TBX20: variants seen among roughly 807,000 people sequenced by gnomAD.
TBX20 encodes T-box transcription factor TBX20.
Under a neutral mutation model 42.9 loss-of-function variants are expected in TBX20, and 8 were observed. The observed-to-expected ratio is 0.19, with a 90% CI of 0.11 to 0.34. The LOEUF (loss-of-function observed/expected upper bound fraction) is 0.34, where lower values mean the gene tolerates loss of function less well. TBX20 is among the 10% of genes least tolerant of loss of function. The pLI, the probability that TBX20 is intolerant of heterozygous loss-of-function variation, is 1.00. For synonymous variants in TBX20, 198 were observed against 222.8 expected (o/e 0.89, Z 0.99); for missense variants, 411 against 566.0 (o/e 0.73, Z 2.78).
intron 6 of TBX20, among the ~76,000 whole-genome samples, chr7:35,219,658 C>A (rs1181778040): frequency 6.6e-6 from 1 of 152,258 alleles, no homozygotes; most frequent in African/African-American, 2.4e-5. Context: ...GAACCAAACA[C>A]CACTTTCTTT....
chr7:35,249,852 G>A lies in TBX20; in HGVS notation c.380+99C>T, dbSNP rs934963337. On this transcript the variant is annotated intron_variant, in intron 2 of 7. Transcript: ENST00000408931. This position sits in a 1 kb window ranked among gnomAD's most constrained non-coding sequence, Gnocchi z 4.3. ...GAGCCAAGCTGTCTCTCCGCTCCATGACCAGCCAGCTCTCATCTAGTTCCT... is the reference window on the plus strand; with the variant it reads ...GAGCCAAGCTGTCTCTCCGCTCCATAACCAGCCAGCTCTCATCTAGTTCCT... 6.5e-6 allele frequency: 9 copies of A among 1,381,678 alleles called. No individual in the cohort carries two copies. The African/African-American group carries it at 1.2e-4, about 18-fold the overall frequency. 85.6% of individuals were successfully genotyped at this position (1,381,678 alleles called of 1,614,324 possible). A position where few individuals can be genotyped will look rare whatever the true frequency, so the allele number is the denominator to read the frequency against.
intron 6 of TBX20, among the ~76,000 whole-genome samples, chr7:35,222,485 A>G (rs1184329928): frequency 6.6e-6 from 1 of 152,204 alleles, no homozygotes. Flanking sequence ...CTGTTGAAAA[A>G]TAAAGACCCT....
chr7:35,247,737 TTAAACAACAAAAATTAGTCATTAAACA>T (rs1198478475), intron 3 of TBX20, among the ~76,000 whole-genome samples: 7 of 152,270 alleles, frequency 4.6e-5, no homozygotes, highest in African/African-American at 1.4e-4. Flanking sequence ...AAATTAGTCA[TTAAACAACAAAAATTAGTCATTAAACA>T]TAAACAACAA....
chr7:35,204,447 C>G (rs763095913), intron 7 of TBX20, 23 bp downstream of exon 7: 1 of 1,557,916 alleles, frequency 6.4e-7, no homozygotes, highest in Non-Finnish European at 8.9e-7. Flanking sequence ...CCAGCAATTC[C>G]ATGGCCTTGG....
At chr7:35,235,757 T>G (rs185242696) in intron 5 of TBX20, among the ~76,000 whole-genome samples, 64 of 152,236 alleles carry the variant, frequency 4.2e-4, no homozygotes, top group African/African-American at 1.5e-3. Flanking sequence ...TTTAAGTAAA[T>G]GTGTGGAGAG....
rs569209190 is a variant in TBX20 at position 35,218,615 on chromosome 7, A to T, written c.890+12889T>A. 2.5e-4 allele frequency among the ~76,000 whole-genome samples: 38 copies of T among 152,354 alleles called. No individual in the cohort carries two copies. In the South Asian group the frequency reaches 7.9e-3, roughly 32 times the overall value. Reference sequence around the variant, plus strand: ...TAATATGTGAGAAAGAATAAAGCACATACTAATAATTAAAGTTATTTCCAT... The same window carrying T: ...TAATATGTGAGAAAGAATAAAGCACTTACTAATAATTAAAGTTATTTCCAT... On this transcript the variant is annotated intron_variant, in intron 6 of 7. Transcript: ENST00000408931.
chr7:35,223,161 T>TCATA (rs1789712059), intron 6 of TBX20, among the ~76,000 whole-genome samples: 3 of 152,128 alleles, frequency 2.0e-5, no homozygotes, highest in African/African-American at 7.2e-5. Context: ...GAGTCAAAGA[T>TCATA]GACTACAAGT....
At chr7:35,214,681 G>T (rs1378745112) in intron 6 of TBX20, among the ~76,000 whole-genome samples, 2 of 152,078 alleles carry the variant, frequency 1.3e-5, no homozygotes, top group African/African-American at 2.4e-5. Flanking sequence ...ATCTTTTGAG[G>T]TCATTAAGAA....
chr7:35,222,009 T>A (rs1307170057), intron 6 of TBX20, among the ~76,000 whole-genome samples: 1 of 152,154 alleles, frequency 6.6e-6, no homozygotes, highest in Admixed American at 6.5e-5. Flanking sequence ...ACTTTAATTC[T>A]TGGCAAAAAA....
intron 5 of TBX20, among the ~76,000 whole-genome samples, chr7:35,239,207 C>T (rs1374070931): frequency 6.6e-6 from 1 of 152,176 alleles, no homozygotes; most frequent in African/African-American, 2.4e-5. Flanking sequence ...GCTTCTACTA[C>T]CTCATTTGTG....
At chr7:35,221,082 A>T (rs1452955742) in intron 6 of TBX20, among the ~76,000 whole-genome samples, 1 of 152,106 alleles carries the variant, frequency 6.6e-6, no homozygotes, top group Non-Finnish European at 1.5e-5. Flanking sequence ...ATCTAAAGAG[A>T]GAAGATAAAT....
chr7:35,248,933 G>C, intron 2 of TBX20, 92 bp from the exon 3 acceptor site: 1 of 1,517,770 alleles, frequency 6.6e-7, no homozygotes, highest in Non-Finnish European at 9.1e-7. Flanking sequence ...GAGGGAAGGA[G>C]GGAAAGGGTC....
At chr7:35,204,741 G>A (rs1231238906) in intron 6 of TBX20, among the ~76,000 whole-genome samples, 159 bp from the exon 7 acceptor site, 1 of 152,168 alleles carries the variant, frequency 6.6e-6, no homozygotes, top group East Asian at 1.9e-4. Flanking sequence ...CATTTATTCT[G>A]TTGTACAGTG....
intron 6 of TBX20, among the ~76,000 whole-genome samples, chr7:35,227,695 C>A (rs1257404479): frequency 6.6e-6 from 1 of 152,102 alleles, no homozygotes; most frequent in Non-Finnish European, 1.5e-5. Context: ...CAGAATGCAG[C>A]CCTTCTGTTA....
chr7:35,253,949 A>C lies in TBX20; in HGVS notation c.-329T>G. 6.8e-6 allele frequency: 2 copies of C among 295,786 alleles called. No homozygotes were observed. Among genetic ancestry groups the C allele is most frequent in the Non-Finnish European group, 1.3e-5 (2 of 155,330 alleles). The allele number at this position is 295,786 out of a possible 1,614,324, so 18.3% of individuals were successfully genotyped here. A position where few individuals can be genotyped will look rare whatever the true frequency, so the allele number is the denominator to read the frequency against. On this transcript the variant is annotated 5_prime_UTR_variant, in exon 1 of 8. Coordinates refer to ENST00000408931, the MANE Select transcript of TBX20 (RefSeq NM_001077653.2). ...GGCGGAAACGAGCATCAACTGCACA[A>C]AGTCCTGGGGTCCTGGAGCATCCCC...
chr7:35,215,685 A>G (rs1584343456), intron 6 of TBX20, among the ~76,000 whole-genome samples: 3 of 152,326 alleles, frequency 2.0e-5, no homozygotes, highest in African/African-American at 7.2e-5. Context: ...GGCAAAAAAA[A>G]GGGCATCATT....
chr7:35,246,328 C>A (rs1015978997), intron 3 of TBX20, among the ~76,000 whole-genome samples: 2 of 152,092 alleles, frequency 1.3e-5, no homozygotes, highest in African/African-American at 4.8e-5. Flanking sequence ...TTCAATTATT[C>A]TTTGATAACA....
chr7:35,208,116 T>C (rs1789430879), intron 6 of TBX20, among the ~76,000 whole-genome samples: 1 of 152,216 alleles, frequency 6.6e-6, no homozygotes, highest in South Asian at 2.1e-4. Context: ...CTCTCAACAA[T>C]GTTTTTGTAG....
chr7:35,241,240 A>G (rs574719509), intron 4 of TBX20, among the ~76,000 whole-genome samples: 1 of 152,374 alleles, frequency 6.6e-6, no homozygotes, highest in South Asian at 2.1e-4. Flanking sequence ...TTACCAAAAC[A>G]ACTGCAAACC....
Sources: allele counts gnomAD v4.1 joint callset (sites outside exome capture counted in the v4.1 genomes callset), GRCh38; gene constraint gnomAD v4.1.1; non-coding constraint Gnocchi (gnomAD v3.1); transcripts MANE v1.5; gene names NCBI Gene and HGNC (gene_info 2026-07-23, HGNC 2026-07-21).